The following CST1 variants were observed in gnomAD, a reference collection of about 807,000 sequenced individuals.
The protein encoded by CST1 is cystatin SN.
In CST1, 19 loss-of-function variants were observed where a neutral mutation model predicts 10.7. That is an observed-to-expected ratio of 1.78 (90% CI 1.24 to 2.61). The LOEUF (loss-of-function observed/expected upper bound fraction) is 2.61. CST1 is among the 30% of genes most tolerant of loss of function. The pLI is 0.00. For missense variants in CST1, 247 were observed against 178.1 expected (o/e 1.39, Z -2.20); for synonymous variants, 95 against 72.8 (o/e 1.31, Z -1.55).
chr20:23,748,097 C>T (rs1193405640), intron 2 of CST1, among the ~76,000 whole-genome samples, 198 bp from the exon 3 acceptor site: 4 of 152,100 alleles, frequency 2.6e-5, no homozygotes, highest in South Asian at 4.1e-4. Flanking sequence ...TCCAAGTCAC[C>T]AGGTGGCATT....
chr20:23,748,925 C>A (rs1223432148), intron 2 of CST1, 91 bp downstream of exon 2: 13 of 1,323,120 alleles, frequency 9.8e-6, no homozygotes, highest in Non-Finnish European at 1.3e-5. Flanking sequence ...CCTGCACACA[C>A]ACACCCTCCA....
Position 23,747,686 on chromosome 20 carries a change from T to A in CST1, c.*130A>T. On this transcript the variant is annotated 3_prime_UTR_variant, in exon 3 of 3. Transcript: ENST00000304749. ...GAGCAACAAAGGACTCCTGCAGCCT[T>A]CTCTGTCTGTCTCTTGGCGCAGGCA... is the stretch of plus-strand genomic sequence containing the variant. 1.3e-6 allele frequency: 1 copy of A among 793,952 alleles called. No individual in the cohort carries two copies. 49.2% of individuals were successfully genotyped at this position (793,952 alleles called of 1,614,324 possible).
Position 23,747,617 on chromosome 20 carries a change from C to T in CST1, c.*199G>A, listed in dbSNP as rs191935285. Reference sequence around the variant, plus strand: ...GGGGGGTGTGTACCATGTACCAGGGCTATTAGAAGCAAGAAGGAAGGAGGG... The same window carrying T: ...GGGGGGTGTGTACCATGTACCAGGGTTATTAGAAGCAAGAAGGAAGGAGGG... On this transcript the variant is annotated 3_prime_UTR_variant, in exon 3 of 3. Transcript: ENST00000304749. 2.1e-4 allele frequency: 128 copies of T among 604,994 alleles called. No individual in the cohort carries two copies. The highest frequency in any genetic ancestry group is 1.9e-3 in the African/African-American group (103 of 54,020). The allele number at this position is 604,994 out of a possible 1,614,324, so 37.5% of individuals were successfully genotyped here. A position where few individuals can be genotyped will look rare whatever the true frequency, so the allele number is the denominator to read the frequency against.
chr20:23,749,209 C>T, intron 1 of CST1, 80 bp from the exon 2 acceptor site: 1 of 1,144,738 alleles, frequency 8.7e-7, no homozygotes, highest in Non-Finnish European at 1.3e-6. Context: ...AGTCACTGGA[C>T]TTGCTTGGGG....
chr20:23,750,847 G>A lies in CST1; in HGVS notation c.20C>T (p.Thr7Ile), dbSNP rs749815196. The change falls in exon 1 of 3, where the codon ACC becomes ATC. Residue 7 changes from threonine (T) to isoleucine (I), a missense_variant. Transcript: ENST00000304749. The stretch of plus-strand genomic sequence containing the variant: ...TAGGGTGGCCAGCAGGAGCAGCAGG[G>A]TACTCAGATACTGGGCCATGGTCTC... MAQYLS[T>I]LLLLLATLAV... 2 of 1,612,536 alleles carry A rather than the reference G, an allele frequency of 1.2e-6. No individual in the cohort carries two copies. The highest frequency in any genetic ancestry group is 1.7e-6 in the Non-Finnish European group (2 of 1,179,276).
chr20:23,749,148 A>AGGACAGCAC lies in CST1; in HGVS notation c.229-20_229-19insGTGCTGTCC, dbSNP rs1982760377. ...CAACGGTCTGCACACAGGAGAAAACAGGACAGCGCCCCCATCAGTTCATGC... is the reference window on the plus strand; with the variant it reads ...CAACGGTCTGCACACAGGAGAAAACAGGACAGCACGGACAGCGCCCCCATCAGTTCATGC... On this transcript the variant is annotated intron_variant, in intron 1 of 2. Coordinates refer to ENST00000304749, the MANE Select transcript of CST1 (RefSeq NM_001898.3). 2.4e-5 allele frequency: 39 copies of AGGACAGCAC among 1,613,510 alleles called. No individual in the cohort carries two copies. The South Asian group carries it at 3.3e-4, about 14-fold the overall frequency.
chr20:23,747,633 G>A lies in CST1; in HGVS notation c.*183C>T. On this transcript the variant is annotated 3_prime_UTR_variant, in exon 3 of 3. Transcript: ENST00000304749. Reference sequence around the variant, plus strand: ...GTACCAGGGCTATTAGAAGCAAGAAGGAAGGAGGGAGGGCAGAGCGCCCTG... The same window carrying A: ...GTACCAGGGCTATTAGAAGCAAGAAAGAAGGAGGGAGGGCAGAGCGCCCTG... 1 of 611,926 alleles carries A rather than the reference G, an allele frequency of 1.6e-6. No homozygotes were observed. The highest frequency in any genetic ancestry group is 2.9e-5 in the Admixed American group (1 of 34,774). 37.9% of individuals were successfully genotyped at this position (611,926 alleles called of 1,614,324 possible).
Position 23,750,858 on chromosome 20 carries a change from C to G in CST1, c.9G>C (p.Gln3His), listed in dbSNP as rs770919061. Residue 3 changes from glutamine (Q) to histidine (H), a missense_variant, in exon 1 of 3, where the codon CAG becomes CAC. Coordinates refer to ENST00000304749, the MANE Select transcript of CST1 (RefSeq NM_001898.3). Reference protein sequence around the residue: MAQYLSTLLLLLA... With the variant: MAHYLSTLLLLLA... ...GCAGGAGCAGCAGGGTACTCAGATA[C>G]TGGGCCATGGTCTCCTCAGAGGCAG... The G allele has an allele frequency of 3.1e-6, 5 of 1,608,478 alleles. No individual in the cohort carries two copies. In the South Asian group the frequency reaches 4.4e-5, roughly 14 times the overall value.
chr20:23,747,827 G>C lies in CST1; in HGVS notation c.415C>G (p.Gln139Glu). The part of the protein sequence containing the change: ...NRRSLVKSRC[Q>E]ES ...CCTGGCACAGATCCCTAGGATTCTT[G>C]ACACCTGGATTTCACCAGGGACCTT... is the stretch of plus-strand genomic sequence containing the variant. The change falls in exon 3 of 3, where the codon CAA becomes GAA. Residue 139 changes from glutamine (Q) to glutamate (E), a missense_variant. Gln to Glu is a conservative substitution (Grantham distance 29). Coordinates refer to ENST00000304749, the MANE Select transcript of CST1 (RefSeq NM_001898.3). 6.2e-7 allele frequency: 1 copy of C among 1,613,922 alleles called. No individual in the cohort carries two copies. Among genetic ancestry groups the C allele is most frequent in the African/African-American group, 1.3e-5 (1 of 75,032 alleles).
intron 1 of CST1, among the ~76,000 whole-genome samples, chr20:23,749,502 C>T (rs1568747848): frequency 6.6e-6 from 1 of 152,208 alleles, no homozygotes; most frequent in Non-Finnish European, 1.5e-5. Flanking sequence ...AGATGCTTCA[C>T]ACACACAGAT....
chr20:23,748,003 A>G (rs1233253805), intron 2 of CST1, 104 bp from the exon 3 acceptor site: 5 of 1,122,484 alleles, frequency 4.5e-6, no homozygotes, highest in Admixed American at 1.9e-5. Context: ...TGGAGGTGAG[A>G]CACTGGGCCC....
chr20:23,750,784 C>G lies in CST1; in HGVS notation c.83G>C (p.Arg28Thr), dbSNP rs1348789136. ...GTTATAGATGCCACCCGGGATTATC[C>G]TATCCTCCTCCTTGGGGCTCCAGGC... ...ALAWSPKEED[R>T]IIPGGIYNAD... Residue 28 changes from arginine (R) to threonine (T), a missense_variant, in exon 1 of 3, where the codon AGG becomes ACG. Physicochemically the swap from Arg to Thr is moderately conservative, Grantham distance 71. Coordinates refer to ENST00000304749, the MANE Select transcript of CST1 (RefSeq NM_001898.3). 2.5e-6 allele frequency: 4 copies of G among 1,614,168 alleles called. No individual in the cohort carries two copies. The highest frequency in any genetic ancestry group is 2.2e-5 in the South Asian group (2 of 91,082).
rs760263887 is a variant in CST1 at position 23,749,140 on chromosome 20, G to C, written c.229-11C>G. Reference sequence around the variant, plus strand: ...CACCCCCCCAACGGTCTGCACACAGGAGAAAACAGGACAGCGCCCCCATCA... The same window carrying C: ...CACCCCCCCAACGGTCTGCACACAGCAGAAAACAGGACAGCGCCCCCATCA... On this transcript the variant is annotated splice_polypyrimidine_tract_variant and intron_variant, in intron 1 of 2. Coordinates refer to ENST00000304749, the MANE Select transcript of CST1 (RefSeq NM_001898.3). 6.2e-7 allele frequency: 1 copy of C among 1,613,968 alleles called. No individual in the cohort carries two copies. Among genetic ancestry groups the C allele is most frequent in the Non-Finnish European group, 8.5e-7 (1 of 1,179,878 alleles).
At chr20:23,748,099 G>A (rs1982717916) in intron 2 of CST1, among the ~76,000 whole-genome samples, 200 bp from the exon 3 acceptor site, 1 of 152,118 alleles carries the variant, frequency 6.6e-6, no homozygotes, top group Non-Finnish European at 1.5e-5. Context: ...CAAGTCACCA[G>A]GTGGCATTGG....
rs139240857 is a variant in CST1 at position 23,748,628 on chromosome 20, C to G, written c.342+388G>C. On this transcript the variant is annotated intron_variant, in intron 2 of 2. Transcript: ENST00000304749. ...TAACCATTCCCAACCTAAAGCCTTCCTAGCAAATCAAACACATCACCCTCC... is the reference window on the plus strand; with the variant it reads ...TAACCATTCCCAACCTAAAGCCTTCGTAGCAAATCAAACACATCACCCTCC... Among the ~76,000 whole-genome samples the G allele has an allele frequency of 2.2e-3, 332 of 152,156 alleles. 1 individual carries two copies. Among genetic ancestry groups the G allele is most frequent in the Admixed American group, 4.4e-3 (67 of 15,290 alleles).
chr20:23,750,834 C>A lies in CST1; in HGVS notation c.33G>T (p.Leu11=). The change falls in exon 1 of 3, where the codon CTG becomes CTT. Residue 11 remains leucine (L), a synonymous_variant. Coordinates refer to ENST00000304749, the MANE Select transcript of CST1 (RefSeq NM_001898.3). ...CCAGGGCCACAGCTAGGGTGGCCAG[C>A]AGGAGCAGCAGGGTACTCAGATACT... MAQYLSTLLL[L]LATLAVALAW... 1.2e-6 allele frequency: 2 copies of A among 1,613,460 alleles called. No individual in the cohort carries two copies. Among genetic ancestry groups the A allele is most frequent in the Non-Finnish European group, 1.7e-6 (2 of 1,179,700 alleles).
chr20:23,749,227 G>C (rs1982762679), intron 1 of CST1, 98 bp from the exon 2 acceptor site: 1 of 925,332 alleles, frequency 1.1e-6, no homozygotes, highest in Non-Finnish European at 1.8e-6. Flanking sequence ...GGGGCTTCGT[G>C]AGCTGCCCAC....
At position 23,749,119 on chromosome 20, in the gene CST1, C is replaced by A. The variant is rs372538698; in HGVS notation, c.239G>T (p.Gly80Val). 6.1e-5 allele frequency: 99 copies of A among 1,614,154 alleles called. No individual in the cohort carries two copies. The highest frequency in any genetic ancestry group is 1.3e-4 in the Admixed American group (8 of 60,028). Residue 80 changes from glycine to valine, a missense_variant, in exon 2 of 3, where the codon GGG becomes GTG. Transcript: ENST00000304749. ...CTCTACGTCGAAGAAGTAATTCACC[C>A]CCCCAACGGTCTGCACACAGGAGAA... ...VLRARQQTVG[G>V]VNYFFDVEVG...
chr20:23,750,305 G>C (rs1437783269), intron 1 of CST1, among the ~76,000 whole-genome samples: 2 of 152,170 alleles, frequency 1.3e-5, no homozygotes, highest in African/African-American at 2.4e-5. Flanking sequence ...AGGACTCAGG[G>C]AGGAGTATGA....
Sources: allele counts gnomAD v4.1 joint callset (sites outside exome capture counted in the v4.1 genomes callset), GRCh38; gene constraint gnomAD v4.1.1; transcripts MANE v1.5; gene names NCBI Gene and HGNC (gene_info 2026-07-23, HGNC 2026-07-21).